EMP2: variants seen among roughly 807,000 people sequenced by gnomAD.
EMP2 encodes the protein epithelial membrane protein 2.
In EMP2, 19 loss-of-function variants were observed where a neutral mutation model predicts 13.7. The observed-to-expected ratio is 1.38, with a 90% confidence interval of 0.97 to 2.03. The LOEUF is 2.03. EMP2 is among the 30% of genes most tolerant of loss of function. The pLI is 0.00. For missense variants in EMP2, 253 were observed against 220.7 expected, an observed-to-expected ratio of 1.15 and a Z score of -0.93; for synonymous variants, 97 against 84.7, an observed-to-expected ratio of 1.15 and a Z score of -0.80.
At chr16:10,559,930 C>T (rs934879605) in intron 1 of EMP2, among the ~76,000 whole-genome samples, 1 of 152,216 alleles carries the variant, frequency 6.6e-6, no homozygotes, top group African/African-American at 2.4e-5. Flanking sequence ...CTGCCTCAGC[C>T]TCCCAAAGTC....
chr16:10,580,549 C>T lies in EMP2; in HGVS notation c.-61G>A, dbSNP rs544226412. 7 of 152,802 alleles carry T rather than the reference C, an allele frequency of 4.6e-5. No individual in the cohort carries two copies. The highest frequency in any genetic ancestry group is 1.7e-4 in the African/African-American group (7 of 41,590). The allele number at this position is 152,802 out of a possible 1,614,324, so 9.5% of individuals were successfully genotyped here. A position where few individuals can be genotyped will look rare whatever the true frequency, so the allele number is the denominator to read the frequency against. The stretch of plus-strand genomic sequence containing the variant: ...CGCCCTGGGTGCGCCCACAACTCAC[C>T]CGGCGCTGGCGGCTGCGCTGGCAGC... On this transcript the variant is annotated splice_region_variant and 5_prime_UTR_variant, in exon 1 of 5. Transcript: ENST00000359543. This position sits in a 1 kb window ranked among gnomAD's most constrained non-coding sequence, Gnocchi z 4.3.
intron 1 of EMP2, among the ~76,000 whole-genome samples, chr16:10,561,089 A>G (rs985183835): frequency 6.6e-6 from 1 of 152,120 alleles, no homozygotes; most frequent in Admixed American, 6.6e-5. Flanking sequence ...GTCTCAAATG[A>G]GTTGGGAACA....
intron 1 of EMP2, among the ~76,000 whole-genome samples, chr16:10,575,641 G>A (rs74949597): frequency 0.016 from 2,402 of 152,178 alleles, 45 homozygotes; most frequent in Admixed American, 0.03. Flanking sequence ...GCAGCTCACT[G>A]CACAGAGTTG....
In EMP2 at chr16:10,555,838, C is replaced by T. The variant is rs111283873; in HGVS notation, c.-60-8161G>A. 2.9e-3 allele frequency among the ~76,000 whole-genome samples: 448 copies of T among 152,330 alleles called. 4 individuals carry two copies. The highest frequency in any genetic ancestry group is 0.01 in the African/African-American group (421 of 41,582). On this transcript the variant is annotated intron_variant, in intron 1 of 4. Coordinates refer to ENST00000359543, the MANE Select transcript of EMP2 (RefSeq NM_001424.6). ...CCAATCTCGGGTGATCTGCCTGCCT[C>T]GGCCTCCCAAAGTGCTGGGATTATA...
chr16:10,570,371 G>A (rs926527526), intron 1 of EMP2, among the ~76,000 whole-genome samples: 2 of 151,914 alleles, frequency 1.3e-5, no homozygotes, highest in Admixed American at 6.6e-5. Context: ...GACGACAGGT[G>A]CACACCACCA....
chr16:10,578,441 TA>T (rs1361637785), intron 1 of EMP2, among the ~76,000 whole-genome samples: 1 of 152,192 alleles, frequency 6.6e-6, no homozygotes, highest in Admixed American at 6.5e-5. Flanking sequence ...GGCGGTTTGC[TA>T]AATGGATGTG....
intron 4 of EMP2, among the ~76,000 whole-genome samples, chr16:10,534,279 C>T (rs538170862): frequency 2.6e-5 from 4 of 152,080 alleles, no homozygotes; most frequent in Non-Finnish European, 5.9e-5. Context: ...GAGGTCAACA[C>T]CAACACTAAA....
chr16:10,549,729 T>TCTCA (rs1555459464), intron 1 of EMP2, among the ~76,000 whole-genome samples: 2 of 149,672 alleles, frequency 1.3e-5, no homozygotes, highest in Middle Eastern at 3.4e-3. Flanking sequence ...ACACACACAC[T>TCTCA]CACACACACA....
At chr16:10,558,178 C>A (rs141960511) in intron 1 of EMP2, among the ~76,000 whole-genome samples, 262 of 152,134 alleles carry the variant, frequency 1.7e-3, no homozygotes, top group Middle Eastern at 6.8e-3. Context: ...TACAGCTGTG[C>A]ACCACCATGC....
chr16:10,575,315 G>A (rs1186179882), intron 1 of EMP2, among the ~76,000 whole-genome samples: 15 of 127,714 alleles, frequency 1.2e-4, no homozygotes, highest in Admixed American at 3.0e-4. Context: ...GTGCAGTGGC[G>A]TGATCTTGGC....
At chr16:10,535,896 G>T (rs908345933) in intron 4 of EMP2, among the ~76,000 whole-genome samples, 1 of 152,186 alleles carries the variant, frequency 6.6e-6, no homozygotes. Context: ...GTTCTGGCTT[G>T]TTGCTCTCCA....
In EMP2 at chr16:10,557,997, C is replaced by A. The variant is rs1037889248; in HGVS notation, c.-60-10320G>T. 3.3e-5 allele frequency among the ~76,000 whole-genome samples: 5 copies of A among 149,786 alleles called. No individual in the cohort carries two copies. In the East Asian group the frequency reaches 9.8e-4, roughly 29 times the overall value. On this transcript the variant is annotated intron_variant, in intron 1 of 4. Transcript: ENST00000359543. ...GGTGGCGTTATGGAAATTCTGCACA[C>A]AAAGTGGAACATTTGTGGCTCAGTG... is the stretch of plus-strand genomic sequence containing the variant.
chr16:10,538,524 C>G (rs1253990050), intron 3 of EMP2, among the ~76,000 whole-genome samples: 1 of 152,138 alleles, frequency 6.6e-6, no homozygotes, highest in Admixed American at 6.5e-5. Context: ...GTGAGGTGCT[C>G]TGTGGACTCC....
At chr16:10,546,406 A>G (rs985059757) in intron 2 of EMP2, 12 of 152,224 alleles carry the variant, frequency 7.9e-5, no homozygotes, top group African/African-American at 2.4e-4. Context: ...ATATTAATCT[A>G]TGCCAAGAGG....
intron 4 of EMP2, among the ~76,000 whole-genome samples, chr16:10,536,029 G>A (rs1266258601): frequency 6.6e-6 from 1 of 152,062 alleles, no homozygotes; most frequent in Non-Finnish European, 1.5e-5. Context: ...GGACTGTGGT[G>A]GACTTGGGGG....
chr16:10,574,718 T>C (rs2050970756), intron 1 of EMP2, among the ~76,000 whole-genome samples: 1 of 149,978 alleles, frequency 6.7e-6, no homozygotes, highest in Non-Finnish European at 1.5e-5. Flanking sequence ...TGCCGGCTAA[T>C]TTTTTGTATT....
chr16:10,534,888 G>A (rs2050635342), intron 4 of EMP2, among the ~76,000 whole-genome samples: 1 of 152,222 alleles, frequency 6.6e-6, no homozygotes, highest in Non-Finnish European at 1.5e-5. Context: ...GTTTTGGTGG[G>A]ACTATCCTTC....
chr16:10,540,527 CAAAT>C (rs57593107), intron 3 of EMP2, among the ~76,000 whole-genome samples: 1 of 150,880 alleles, frequency 6.6e-6, no homozygotes, highest in Non-Finnish European at 1.5e-5. Flanking sequence ...AATAAATAAA[CAAAT>C]AAATAAATAG....
At chr16:10,566,159 C>G (rs1383891215) in intron 1 of EMP2, among the ~76,000 whole-genome samples, 1 of 152,178 alleles carries the variant, frequency 6.6e-6, no homozygotes, top group Non-Finnish European at 1.5e-5. Flanking sequence ...CAAGGGTTCC[C>G]AAACTTCAGT....
Sources: allele counts gnomAD v4.1 joint callset (sites outside exome capture counted in the v4.1 genomes callset), GRCh38; gene constraint gnomAD v4.1.1; non-coding constraint Gnocchi (gnomAD v3.1); transcripts MANE v1.5; gene names NCBI Gene and HGNC (gene_info 2026-07-23, HGNC 2026-07-21).